Variants in RYR1 observed in about 807,000 individuals in gnomAD.
RYR1 encodes ryanodine receptor 1.
In RYR1, 342 loss-of-function variants were observed where a neutral mutation model predicts 583.5. That is an observed-to-expected ratio of 0.59 (90% CI 0.54 to 0.64). RYR1 has a LOEUF of 0.64. Ranked by LOEUF, RYR1 falls within the 30% of genes least tolerant of loss-of-function variation. The pLI is 0.00. For missense variants in RYR1, 6,032 were observed against 6,917.2 expected, an observed-to-expected ratio of 0.87 and a Z score of 4.54; for synonymous variants, 2,791 against 2,822.5, an observed-to-expected ratio of 0.99 and a Z score of 0.35.
intron 49 of RYR1, among the ~76,000 whole-genome samples, chr19:38,503,373 T>G (rs976075956): frequency 6.6e-6 from 1 of 152,138 alleles, no homozygotes; most frequent in African/African-American, 2.4e-5. Context: ...ATTTGCACAC[T>G]GTCTCTCTTA....
chr19:38,446,167 A>C (rs1972932285), intron 7 of RYR1, among the ~76,000 whole-genome samples: 1 of 151,692 alleles, frequency 6.6e-6, no homozygotes, highest in African/African-American at 2.4e-5. Flanking sequence ...ACACACTCTG[A>C]CCCCAACCTC....
intron 102 of RYR1, among the ~76,000 whole-genome samples, chr19:38,585,576 C>T (rs1164142870): frequency 3.3e-5 from 5 of 151,396 alleles, no homozygotes; most frequent in South Asian, 2.1e-4. Flanking sequence ...CAGGTTCAAG[C>T]GATTCTTCTG....
intron 34 of RYR1, among the ~76,000 whole-genome samples, chr19:38,488,933 G>C (rs894516028): frequency 2.0e-5 from 3 of 152,220 alleles, no homozygotes; most frequent in Admixed American, 6.5e-5. Flanking sequence ...TGTGATGGGA[G>C]AGGCACTCAT....
At chr19:38,463,599 C>G in intron 21 of RYR1, 72 bp downstream of exon 21, 1 of 1,525,202 alleles carries the variant, frequency 6.6e-7, no homozygotes, top group Non-Finnish European at 9.1e-7. Flanking sequence ...GGCTCACCGG[C>G]GGAGAGGAGG....
intron 27 of RYR1, among the ~76,000 whole-genome samples, chr19:38,472,260 G>C (rs1342491477): frequency 6.6e-6 from 1 of 152,014 alleles, no homozygotes; most frequent in African/African-American, 2.4e-5. Context: ...CACCACGCCT[G>C]GCTAATTTTT....
chr19:38,565,730 C>G lies in RYR1; in HGVS notation c.13396C>G (p.Pro4466Ala), dbSNP rs986536757. 1.4e-6 allele frequency: 2 copies of G among 1,432,806 alleles called. No individual in the cohort carries two copies. The highest frequency in any genetic ancestry group is 1.8e-6 in the Non-Finnish European group (2 of 1,101,414). The allele number at this position is 1,432,806 out of a possible 1,614,324, so 88.8% of individuals were successfully genotyped here. ...GGGGGACACGACGCCTGCGGAACCG[C>G]CCACACCCGAGGGCTCTCCCATCCT... ...DMGDTTPAEP[P>A]TPEGSPILKR... The change falls in exon 91 of 106, where the codon CCC (proline) becomes GCC (alanine). Residue 4466 changes from proline to alanine, a missense_variant. Pro to Ala is a conservative substitution (Grantham distance 27). This residue lies in a region of RYR1 where 753 missense variants were observed against 759.6 expected (regional missense o/e 0.99). Transcript: ENST00000359596. The surrounding 1 kb of genome is among the most constrained non-coding windows in gnomAD (Gnocchi z 4.7).
rs1302799425 is a variant in RYR1 at position 38,510,771 on chromosome 19, A to G, written c.9112A>G (p.Met3038Val). The part of the protein sequence containing the change: ...GGHASNKEKE[M>V]ITSLFCKLAA... ...CCACGCCTCTAACAAGGAGAAGGAA[A>G]TGATCACCAGGTGGGCCGCCTGTGA... The change falls in exon 60 of 106, where the codon ATG (methionine) becomes GTG (valine). Residue 3038 changes from methionine (M) to valine (V), a missense_variant. This residue lies in a region of RYR1 where 1,493 missense variants were observed against 1,715.5 expected (regional missense o/e 0.87). Coordinates refer to ENST00000359596, the MANE Select transcript of RYR1 (RefSeq NM_000540.3). 7 of 1,614,076 alleles carry G rather than the reference A, an allele frequency of 4.3e-6. No homozygotes were observed. The highest frequency in any genetic ancestry group is 5.9e-6 in the Non-Finnish European group (7 of 1,180,042).
intron 1 of RYR1, 27 bp from the exon 2 acceptor site, chr19:38,440,718 T>C: frequency 6.2e-7 from 1 of 1,603,262 alleles, no homozygotes; most frequent in Non-Finnish European, 8.5e-7. Context: ...CAGGCCCCCC[T>C]GGAGACGCTG....
At chr19:38,557,407 G>T (rs1444752261) in intron 89 of RYR1, among the ~76,000 whole-genome samples, 2 of 152,228 alleles carry the variant, frequency 1.3e-5, no homozygotes, top group Non-Finnish European at 2.9e-5. Context: ...GTTATAATCT[G>T]TGGTCTGAAG....
chr19:38,537,806 G>A, intron 83 of RYR1, 74 bp from the exon 84 acceptor site: 2 of 1,331,454 alleles, frequency 1.5e-6, no homozygotes, highest in East Asian at 4.6e-5. Context: ...AGTGTGCATG[G>A]GCCTTGTGCA....
chr19:38,454,531 T>A (rs1035438191), intron 13 of RYR1, among the ~76,000 whole-genome samples: 1 of 152,200 alleles, frequency 6.6e-6, no homozygotes, highest in Non-Finnish European at 1.5e-5. Flanking sequence ...CTCAACAATA[T>A]ATATTAAATA....
At chr19:38,443,465 G>A (rs562484099) in intron 3 of RYR1, 93 bp from the exon 4 acceptor site, 6 of 1,104,588 alleles carry the variant, frequency 5.4e-6, no homozygotes, top group African/African-American at 1.5e-5. Flanking sequence ...ATTTTACAGG[G>A]AGCATCTTGT....
rs1231655981 is a variant in RYR1, at chr19:38,549,853, G to A, written c.12282+1433G>A. ...CCTGAGTAGCTGGGATTACAGGCACGCACCACCATGCCCAGCTAAATTTGT... is the reference window on the plus strand; with the variant it reads ...CCTGAGTAGCTGGGATTACAGGCACACACCACCATGCCCAGCTAAATTTGT... On this transcript the variant is annotated intron_variant, in intron 89 of 105. Coordinates refer to ENST00000359596, the MANE Select transcript of RYR1 (RefSeq NM_000540.3). 3.4e-5 allele frequency among the ~76,000 whole-genome samples: 5 copies of A among 148,574 alleles called. No homozygotes were observed. The East Asian group carries it at 8.0e-4, about 24-fold the overall frequency.
rs369480385 is a variant in RYR1 at position 38,485,994 on chromosome 19, C to A, written c.5339C>A (p.Pro1780His). The A allele has an allele frequency of 4.3e-6, 7 of 1,613,632 alleles. No individual in the cohort carries two copies. In the East Asian group the frequency reaches 8.9e-5, roughly 21 times the overall value. Residue 1780 changes from proline to histidine, a missense_variant, in exon 34 of 106, where the codon CCC (proline) becomes CAC (histidine). Physicochemically the swap from Pro to His is moderately conservative, Grantham distance 77 (BLOSUM62 -2). Transcript: ENST00000359596. ...AGGCCCCCGCATCATTTCTCGCCCC[C>A]CTGTTTCGTGGCCGCTCTGCCAGCT... Reference protein sequence around the residue: ...SLRPPHHFSPPCFVAALPAAG... With the variant: ...SLRPPHHFSPHCFVAALPAAG...
intron 1 of RYR1, among the ~76,000 whole-genome samples, chr19:38,439,099 C>G (rs532335349): frequency 1.3e-5 from 2 of 152,138 alleles, no homozygotes; most frequent in Non-Finnish European, 2.9e-5. Context: ...AGATGCTCAA[C>G]CAAAGTCTGT....
intron 72 of RYR1, 106 bp from the exon 73 acceptor site, chr19:38,527,541 C>A: frequency 1.4e-6 from 2 of 1,436,958 alleles, no homozygotes; most frequent in Non-Finnish European, 9.6e-7. Context: ...AGAAAGGCCT[C>A]AACATGCACT....
intron 36 of RYR1, 139 bp downstream of exon 36, chr19:38,490,415 T>C (rs1969501803): frequency 1.1e-6 from 1 of 940,092 alleles, no homozygotes; most frequent in African/African-American, 1.6e-5. Context: ...TCTCCTACTC[T>C]CTGAATCAAC....
At chr19:38,566,434 GCGAGA>G (rs1973433348) in intron 91 of RYR1, among the ~76,000 whole-genome samples, 1 of 121,336 alleles carries the variant, frequency 8.2e-6, no homozygotes. Context: ...GGGCGACAGA[GCGAGA>G]CTCTGTCTCA....
intron 99 of RYR1, 92 bp from the exon 100 acceptor site, chr19:38,579,890 G>A: frequency 1.9e-6 from 3 of 1,567,146 alleles, no homozygotes; most frequent in African/African-American, 1.4e-5. Context: ...CGACCCCCAG[G>A]GCACAGCTGA....
Sources: allele counts gnomAD v4.1 joint callset (sites outside exome capture counted in the v4.1 genomes callset), GRCh38; gene constraint gnomAD v4.1.1; regional missense constraint gnomAD v4.1.1; non-coding constraint Gnocchi (gnomAD v3.1); transcripts MANE v1.5; gene names NCBI Gene and HGNC (gene_info 2026-07-23, HGNC 2026-07-21).